PTGFR: variants seen among roughly 807,000 people sequenced by gnomAD.
PTGFR encodes the protein prostaglandin F2-alpha receptor.
Under a neutral mutation model 26.2 loss-of-function variants are expected in PTGFR, and 15 were observed. The observed-to-expected ratio is 0.57, with a 90% CI of 0.38 to 0.88. PTGFR has a LOEUF of 0.88. Among genes scored for constraint, PTGFR ranks in the 40% least tolerant of loss-of-function variants. The probability of loss-of-function intolerance (pLI) is 0.00; values close to 1 mark genes in which losing one functional copy is unlikely to be tolerated. For missense variants in PTGFR, 369 were observed against 427.2 expected (o/e 0.86, Z 1.20); for synonymous variants, 165 against 151.1 (o/e 1.09, Z -0.68).
At chr1:78,494,378 C>A (rs1026280172) in intron 2 of PTGFR, among the ~76,000 whole-genome samples, 1 of 152,062 alleles carries the variant, frequency 6.6e-6, no homozygotes, top group East Asian at 1.9e-4. Flanking sequence ...ACAAAAAAAA[C>A]CCTTCTGTAG....
chr1:78,492,002 C>T (rs1192590510), intron 1 of PTGFR, among the ~76,000 whole-genome samples: 1 of 152,188 alleles, frequency 6.6e-6, no homozygotes, highest in Non-Finnish European at 1.5e-5. Flanking sequence ...TGGCCCGCCC[C>T]CTTCCTCATC....
intron 2 of PTGFR, among the ~76,000 whole-genome samples, chr1:78,518,567 GACACACACACACACACAC>G (rs57447321): frequency 0.01 from 1,434 of 137,960 alleles, 11 homozygotes; most frequent in African/African-American, 0.012. Flanking sequence ...CAGTATAAAA[GACACACACACACACACAC>G]ACACACACAC....
chr1:78,505,730 C>A (rs1306744009), intron 2 of PTGFR, among the ~76,000 whole-genome samples: 1 of 152,256 alleles, frequency 6.6e-6, no homozygotes, highest in South Asian at 2.1e-4. Context: ...CCACTAATTT[C>A]TCTCTTTCTG....
Position 78,492,915 on chromosome 1 carries a change from T to G in PTGFR, c.172T>G (p.Phe58Val). The change falls in exon 2 of 3, where the codon TTT (phenylalanine) becomes GTT (valine). Residue 58 changes from phenylalanine to valine, a missense_variant. Physicochemically the swap from Phe to Val is conservative, Grantham distance 50. Coordinates refer to ENST00000370757, the MANE Select transcript of PTGFR (RefSeq NM_000959.4). The part of the protein sequence containing the change: ...IAILMKAYQR[F>V]RQKSKASFLL... ...CATTCTCATGAAGGCATATCAGAGA[T>G]TTAGACAGAAGTCCAAGGCATCGTT... 1 of 1,614,226 alleles carries G rather than the reference T, an allele frequency of 6.2e-7. No individual in the cohort carries two copies. The highest frequency in any genetic ancestry group is 1.1e-5 in the South Asian group (1 of 91,086).
intron 2 of PTGFR, among the ~76,000 whole-genome samples, chr1:78,534,998 A>T (rs1004024394): frequency 6.6e-6 from 1 of 152,118 alleles, no homozygotes; most frequent in African/African-American, 2.4e-5. Flanking sequence ...CCTCTTTCCA[A>T]GGCTGGGGTT....
chr1:78,495,594 G>C (rs1010244143), intron 2 of PTGFR, among the ~76,000 whole-genome samples: 1 of 152,198 alleles, frequency 6.6e-6, no homozygotes, highest in Admixed American at 6.5e-5. Context: ...CAATAAATGA[G>C]AGACATAATC....
rs1650530768 is a variant in PTGFR, at chr1:78,532,367, TATA to T, written c.799-4038_799-4036del. On this transcript the variant is annotated intron_variant, in intron 2 of 2. Coordinates refer to ENST00000370757, the MANE Select transcript of PTGFR (RefSeq NM_000959.4). ...TTATGCCGTCAAGTAAATTCATTTA[TATA>T]TATATATATATATATATATATATAT... The T allele has an allele frequency of 3.0e-4, 27 of 88,664 alleles. 1 individual carries two copies. The highest frequency in any genetic ancestry group is 2.7e-3 in the African/African-American group (26 of 9,484). The allele number at this position is 88,664 out of a possible 1,614,324, so 5.5% of individuals were successfully genotyped here.
chr1:78,492,486 G>A (rs966803066), intron 1 of PTGFR, among the ~76,000 whole-genome samples, 186 bp from the exon 2 acceptor site: 2 of 152,194 alleles, frequency 1.3e-5, no homozygotes, highest in Non-Finnish European at 2.9e-5. Context: ...AATTTCAACA[G>A]CTTCTTCACC....
At position 78,493,490 on chromosome 1, in the gene PTGFR, C is replaced by A; in HGVS notation, c.747C>A (p.Ile249=). The stretch of plus-strand genomic sequence containing the variant: ...GATCTCATCATTTGGAAATGGTAAT[C>A]CAGCTCCTGGCGATAATGTGTGTCT... ...QGRSHHLEMV[I]QLLAIMCVSC... The change falls in exon 2 of 3, where the codon ATC becomes ATA. Residue 249 remains isoleucine, a synonymous_variant. Transcript: ENST00000370757. The A allele has an allele frequency of 1.9e-6, 3 of 1,582,304 alleles. No individual in the cohort carries two copies. The highest frequency in any genetic ancestry group is 2.6e-6 in the Non-Finnish European group (3 of 1,165,018).
chr1:78,492,753 A>C lies in PTGFR; in HGVS notation c.10A>C (p.Asn4His). The stretch of plus-strand genomic sequence containing the variant: ...TTTTATCTCCACAACAATGTCCATG[A>C]ACAATTCCAAACAGCTAGTGTCTCC... MSM[N>H]NSKQLVSPAA... The change falls in exon 2 of 3, where the codon AAC (asparagine) becomes CAC (histidine). Residue 4 changes from asparagine to histidine, a missense_variant. By Grantham distance (68) the Asn-to-His change is moderately conservative (BLOSUM62 1). Coordinates refer to ENST00000370757, the MANE Select transcript of PTGFR (RefSeq NM_000959.4). 1 of 1,611,784 alleles carries C rather than the reference A, an allele frequency of 6.2e-7. No homozygotes were observed. The highest frequency in any genetic ancestry group is 8.5e-7 in the Non-Finnish European group (1 of 1,178,810).
At chr1:78,532,762 A>C (rs763205424) in intron 2 of PTGFR, among the ~76,000 whole-genome samples, 1 of 151,836 alleles carries the variant, frequency 6.6e-6, no homozygotes, top group African/African-American at 2.4e-5. Flanking sequence ...AGTCACAGAT[A>C]TGTCACTGTA....
chr1:78,510,399 C>A (rs562685952), intron 2 of PTGFR, among the ~76,000 whole-genome samples: 13 of 152,070 alleles, frequency 8.5e-5, no homozygotes, highest in Non-Finnish European at 1.8e-4. Flanking sequence ...TGGGAACAGG[C>A]ACATCATATG....
At chr1:78,512,757 G>A (rs554363044) in intron 2 of PTGFR, among the ~76,000 whole-genome samples, 1 of 152,312 alleles carries the variant, frequency 6.6e-6, no homozygotes, top group African/African-American at 2.4e-5. Flanking sequence ...GGCCTGGTGA[G>A]AGGTGACAGA....
intron 2 of PTGFR, among the ~76,000 whole-genome samples, chr1:78,526,449 G>A (rs1475839080): frequency 1.3e-5 from 2 of 152,062 alleles, no homozygotes; most frequent in Admixed American, 6.6e-5. Flanking sequence ...AATTGACAGA[G>A]TAGAGAGAAC....
intron 2 of PTGFR, among the ~76,000 whole-genome samples, chr1:78,518,614 A>G (rs929965558): frequency 2.5e-5 from 3 of 119,806 alleles, no homozygotes; most frequent in South Asian, 5.3e-4. Flanking sequence ...ACACACACAC[A>G]CACACATACG....
At chr1:78,497,080 A>C (rs981527296) in intron 2 of PTGFR, among the ~76,000 whole-genome samples, 1 of 152,178 alleles carries the variant, frequency 6.6e-6, no homozygotes, top group Non-Finnish European at 1.5e-5. Flanking sequence ...AGGATCATGC[A>C]GAATAAATGT....
Position 78,531,469 on chromosome 1 carries a change from A to T in PTGFR, c.799-4937A>T, listed in dbSNP as rs183979877. ...AAGAACAGCGAAGGCTTATGGGGAGATGTAAGGTCTATCACCATAACAATT... is the reference window on the plus strand; with the variant it reads ...AAGAACAGCGAAGGCTTATGGGGAGTTGTAAGGTCTATCACCATAACAATT... On this transcript the variant is annotated intron_variant, in intron 2 of 2. Transcript: ENST00000370757. 9.2e-4 allele frequency among the ~76,000 whole-genome samples: 140 copies of T among 152,160 alleles called. 1 individual carries two copies. In the East Asian group the frequency reaches 0.014, roughly 16 times the overall value.
In PTGFR at chr1:78,538,675, G is replaced by A. The variant is rs912421237; in HGVS notation, c.*1988G>A. 2 of 152,156 alleles carry A rather than the reference G, an allele frequency of 1.3e-5. No individual in the cohort carries two copies. Among genetic ancestry groups the A allele is most frequent in the East Asian group, 1.9e-4 (1 of 5,172 alleles). The allele number at this position is 152,156 out of a possible 1,614,324, so 9.4% of individuals were successfully genotyped here. A position where few individuals can be genotyped will look rare whatever the true frequency, so the allele number is the denominator to read the frequency against. On this transcript the variant is annotated 3_prime_UTR_variant, in exon 3 of 3. Coordinates refer to ENST00000370757, the MANE Select transcript of PTGFR (RefSeq NM_000959.4). ...TTATATGTGTTGCATGTAGCTTGGC[G>A]ATTTACTGTGTAATGAATAATAGAC...
chr1:78,500,093 T>A (rs11808292), intron 2 of PTGFR, among the ~76,000 whole-genome samples: 45,987 of 151,848 alleles, frequency 0.3, 7,531 homozygotes, highest in Middle Eastern at 0.43. Context: ...TCTGAGAGAA[T>A]CATGTTGGGG....
Sources: allele counts gnomAD v4.1 joint callset (sites outside exome capture counted in the v4.1 genomes callset), GRCh38; gene constraint gnomAD v4.1.1; transcripts MANE v1.5; gene names NCBI Gene and HGNC (gene_info 2026-07-23, HGNC 2026-07-21).